Variants in ITGB3 observed in about 807,000 individuals in gnomAD.
The protein encoded by ITGB3 is integrin subunit beta 3, also known as integrin beta-3.
A neutral mutation model predicts 85.8 loss-of-function variants in ITGB3; 48 were observed. That is an observed-to-expected ratio of 0.56 (90% CI 0.44 to 0.71). The LOEUF is 0.71. ITGB3 is among the 30% of genes least tolerant of loss of function. ITGB3 has a pLI of 0.00. For synonymous variants in ITGB3, 363 were observed against 395.6 expected, an observed-to-expected ratio of 0.92 and a Z score of 0.98; for missense variants, 861 against 1,019.1, an observed-to-expected ratio of 0.84 and a Z score of 2.11.
Position 47,284,435 on chromosome 17 carries a change from C to A in ITGB3, c.362-8C>A. 6.2e-7 allele frequency: 1 copy of A among 1,614,040 alleles called. No homozygotes were observed. The highest frequency in any genetic ancestry group is 8.5e-7 in the Non-Finnish European group (1 of 1,179,980). ...GAAGATAAAAACTAACATCTTTCTG[C>A]CTTCCAGATGATTCGAAGAATTTCT... On this transcript the variant is annotated splice_region_variant and splice_polypyrimidine_tract_variant and intron_variant, in intron 3 of 14. Transcript: ENST00000559488.
intron 10 of ITGB3, among the ~76,000 whole-genome samples, chr17:47,297,207 A>G (rs1321522374): frequency 6.6e-6 from 1 of 152,224 alleles, no homozygotes; most frequent in East Asian, 1.9e-4. Context: ...ATGACACTGC[A>G]TAGAGGCTAA....
Position 47,311,006 on chromosome 17 carries a change from T to C in ITGB3, c.*802T>C. 1 of 154,568 alleles carries C rather than the reference T, an allele frequency of 6.5e-6. No individual in the cohort carries two copies. The highest frequency in any genetic ancestry group is 1.4e-5 in the Non-Finnish European group (1 of 69,282). 9.6% of individuals were successfully genotyped at this position (154,568 alleles called of 1,614,324 possible). On this transcript the variant is annotated 3_prime_UTR_variant, in exon 15 of 15. Transcript: ENST00000559488. ...GGCAGCTCTACTCTGGAGGTTTGTT[T>C]AGAAGAAGTGTGTCACCCTTAGGCC...
rs2065104974 is a variant in ITGB3 at position 47,286,998 on chromosome 17, CTG to C, written c.778-70_778-69del. On this transcript the variant is annotated intron_variant, in intron 5 of 14. Transcript: ENST00000559488. ...TTTAGCCAGGGAGCACCTTGGGTCTCTGTTCTCTACCAGTGACATGGCTGAAT... is the reference window on the plus strand; with the variant it reads ...TTTAGCCAGGGAGCACCTTGGGTCTCTTCTCTACCAGTGACATGGCTGAAT... The C allele has an allele frequency of 2.1e-5, 32 of 1,545,062 alleles. No individual in the cohort carries two copies. In the South Asian group the frequency reaches 3.1e-4, roughly 15 times the overall value.
intron 1 of ITGB3, among the ~76,000 whole-genome samples, chr17:47,267,447 A>T (rs1949554444): frequency 6.6e-6 from 1 of 152,016 alleles, no homozygotes; most frequent in African/African-American, 2.4e-5. Context: ...CAGAACAACA[A>T]CTCATTGAAT....
intron 1 of ITGB3, among the ~76,000 whole-genome samples, chr17:47,265,739 G>A (rs1338737344): frequency 6.6e-6 from 1 of 152,196 alleles, no homozygotes; most frequent in Non-Finnish European, 1.5e-5. Flanking sequence ...GTGGAGGCAA[G>A]TTATACACAA....
intron 1 of ITGB3, among the ~76,000 whole-genome samples, chr17:47,264,876 C>T (rs976740502): frequency 6.6e-6 from 1 of 152,088 alleles, no homozygotes; most frequent in Non-Finnish European, 1.5e-5. Flanking sequence ...ATTCCTTTAT[C>T]CTGCTTTATT....
chr17:47,295,878 G>A (rs548813982), intron 10 of ITGB3, among the ~76,000 whole-genome samples: 2 of 152,316 alleles, frequency 1.3e-5, no homozygotes, highest in Admixed American at 6.5e-5. Context: ...AACTGCCCTC[G>A]GCTGACAGGA....
intron 2 of ITGB3, among the ~76,000 whole-genome samples, chr17:47,280,296 C>T (rs1388215219): frequency 2.0e-5 from 3 of 152,248 alleles, no homozygotes; most frequent in Admixed American, 1.3e-4. Context: ...AAAGGGGGAT[C>T]GGACTGGAGA....
intron 2 of ITGB3, among the ~76,000 whole-genome samples, chr17:47,282,176 T>G (rs1301974904): frequency 6.6e-6 from 1 of 152,108 alleles, no homozygotes; most frequent in Non-Finnish European, 1.5e-5. Context: ...ATCGAACTCC[T>G]GACCTCAGGT....
chr17:47,301,498 C>T (rs989856451), intron 12 of ITGB3, among the ~76,000 whole-genome samples: 1 of 152,088 alleles, frequency 6.6e-6, no homozygotes, highest in Non-Finnish European at 1.5e-5. Flanking sequence ...AACAGTTTTT[C>T]CTCTGGAGGA....
intron 1 of ITGB3, among the ~76,000 whole-genome samples, chr17:47,262,198 G>A (rs1051712043): frequency 1.3e-5 from 2 of 152,212 alleles, no homozygotes; most frequent in Non-Finnish European, 2.9e-5. Flanking sequence ...CAGGCTGGCA[G>A]TAAGGACTGG....
intron 2 of ITGB3, among the ~76,000 whole-genome samples, chr17:47,279,166 G>A (rs1020052177): frequency 6.6e-6 from 1 of 152,126 alleles, no homozygotes; most frequent in Admixed American, 6.5e-5. Flanking sequence ...CCCAGGAGAG[G>A]GAGGTAATTC....
chr17:47,290,101 G>A, intron 7 of ITGB3, 84 bp from the exon 8 acceptor site: 3 of 965,958 alleles, frequency 3.1e-6, no homozygotes, highest in Non-Finnish European at 5.1e-6. Flanking sequence ...TTCATCTCAG[G>A]ACTCTCAGTG....
Position 47,287,911 on chromosome 17 carries a change from C to CTTTT in ITGB3, c.939+709_939+712dup, listed in dbSNP as rs60463106. ...AGTGACAGAGCAAGAACCACCCCTG[C>CTTTT]TTTTTTTTTTTTTTTTTTTTTTTTT... On this transcript the variant is annotated intron_variant, in intron 6 of 14. Transcript: ENST00000559488. Among the ~76,000 whole-genome samples the CTTTT allele has an allele frequency of 7.9e-3, 438 of 55,388 alleles. 29 individuals carry two copies. The highest frequency in any genetic ancestry group is 0.014 in the Middle Eastern group (1 of 70). 36.3% of individuals were successfully genotyped at this position (55,388 alleles called of 152,430 possible). A position where few individuals can be genotyped will look rare whatever the true frequency, so the allele number is the denominator to read the frequency against.
At chr17:47,255,935 G>A (rs1202532642) in intron 1 of ITGB3, among the ~76,000 whole-genome samples, 3 of 151,558 alleles carry the variant, frequency 2.0e-5, no homozygotes, top group Admixed American at 6.6e-5. Context: ...TATTGATGCC[G>A]GGAATGGAGA....
intron 2 of ITGB3, among the ~76,000 whole-genome samples, chr17:47,280,718 G>A (rs538792847): frequency 3.9e-5 from 6 of 152,180 alleles, no homozygotes; most frequent in African/African-American, 1.4e-4. Context: ...TGGCATTATG[G>A]CTGCCAGGTT....
In ITGB3 at chr17:47,292,524, G is replaced by C. The variant is rs1395325049; in HGVS notation, c.1646G>C (p.Cys549Ser). 1.9e-6 allele frequency: 3 copies of C among 1,604,718 alleles called. No individual in the cohort carries two copies. In the East Asian group the frequency reaches 6.7e-5, roughly 36 times the overall value. The change falls in exon 10 of 15, where the codon TGT becomes TCT. Residue 549 changes from cysteine to serine, a missense_variant. Transcript: ENST00000559488. ...FGKITGKYCE[C>S]DDFSCVRYKG... ...AAGATCACGGGCAAGTACTGCGAGT[G>C]TGACGACTTCTCCTGTGTCCGCTAC... is the stretch of plus-strand genomic sequence containing the variant.
Position 47,300,485 on chromosome 17 carries a change from G to T in ITGB3, c.1921G>T (p.Val641Leu). 1 of 1,613,320 alleles carries T rather than the reference G, an allele frequency of 6.2e-7. No homozygotes were observed. The highest frequency in any genetic ancestry group is 8.5e-7 in the Non-Finnish European group (1 of 1,179,240). Residue 641 changes from valine to leucine, a missense_variant, in exon 12 of 15, where the codon GTG (valine) becomes TTG (leucine). Val to Leu is a conservative substitution (Grantham distance 32, BLOSUM62 1). Transcript: ENST00000559488. ...PDACTFKKEC[V>L]ECKKFDRGAL... ...GTGTCCTCTCTCCTTCAGAGAATGT[G>T]TGGAGTGTAAGAAGTTTGACCGGGG... is the stretch of plus-strand genomic sequence containing the variant.
chr17:47,310,990 A>C lies in ITGB3; in HGVS notation c.*786A>C, dbSNP rs1283060291. 1 of 154,574 alleles carries C rather than the reference A, an allele frequency of 6.5e-6. No individual in the cohort carries two copies. The highest frequency in any genetic ancestry group is 2.4e-5 in the African/African-American group (1 of 41,388). The allele number at this position is 154,574 out of a possible 1,614,324, so 9.6% of individuals were successfully genotyped here. A position where few individuals can be genotyped will look rare whatever the true frequency, so the allele number is the denominator to read the frequency against. On this transcript the variant is annotated 3_prime_UTR_variant, in exon 15 of 15. Coordinates refer to ENST00000559488, the MANE Select transcript of ITGB3 (RefSeq NM_000212.3). ...TCAGATTTGCCTTATTGGCAGCTCT[A>C]CTCTGGAGGTTTGTTTAGAAGAAGT... is the stretch of plus-strand genomic sequence containing the variant.
Sources: gnomAD v4.1 joint callset for allele counts (sites outside exome capture counted in the v4.1 genomes callset) on GRCh38, gnomAD v4.1.1 for gene constraint, MANE v1.5 for transcripts, NCBI Gene and HGNC (gene_info 2026-07-23, HGNC 2026-07-21) for gene names.